The following HMCN1 variants were observed in gnomAD, a reference collection of about 807,000 sequenced individuals.
The protein encoded by HMCN1 is hemicentin 1, also known as hemicentin-1.
A neutral mutation model predicts 625.9 loss-of-function variants in HMCN1; 321 were observed. The ratio of observed to expected loss-of-function variants is 0.51; its 90% CI spans 0.47 to 0.56. The LOEUF (loss-of-function observed/expected upper bound fraction) is 0.56, where lower values mean the gene tolerates loss of function less well. Ranked by LOEUF, HMCN1 falls within the 20% of genes least tolerant of loss-of-function variation. The probability of loss-of-function intolerance (pLI) is 0.00; values close to 1 mark genes in which losing one functional copy is unlikely to be tolerated. For synonymous variants in HMCN1, 2,425 were observed against 2,417.6 expected (o/e 1.00, Z -0.09); for missense variants, 6,588 against 6,887.3 (o/e 0.96, Z 1.54).
rs750980749 is a variant in HMCN1, at chr1:186,119,232, A to G, written c.11890A>G (p.Arg3964Gly). 3 of 1,614,024 alleles carry G rather than the reference A, an allele frequency of 1.9e-6. No homozygotes were observed. Among genetic ancestry groups the G allele is most frequent in the Non-Finnish European group, 2.5e-6 (3 of 1,179,896 alleles). Residue 3964 changes from arginine (R) to glycine (G), a missense_variant, in exon 78 of 107, where the codon AGA becomes GGA. Physicochemically the swap from Arg to Gly is moderately radical, Grantham distance 125. Around this residue, in one of 3 missense-constraint regions of HMCN1, gnomAD observed 4,628 missense variants for 4,853.1 expected, o/e 0.95. Transcript: ENST00000271588. ...TGCCACCCAATTAAACCATGCTGGA[A>G]GATACACTTGTGTCGCTAGGAATGC... ...ILATQLNHAG[R>G]YTCVARNAAG...
At chr1:185,755,891 T>TA (rs901326834) in intron 1 of HMCN1, among the ~76,000 whole-genome samples, 1 of 152,174 alleles carries the variant, frequency 6.6e-6, no homozygotes, top group Non-Finnish European at 1.5e-5. Flanking sequence ...GGCTCTTTTT[T>TA]AAATCTTTCA....
chr1:185,759,677 C>T (rs1376912966), intron 1 of HMCN1, among the ~76,000 whole-genome samples: 1 of 152,002 alleles, frequency 6.6e-6, no homozygotes, highest in African/African-American at 2.4e-5. Context: ...TATCCTTTAT[C>T]TTACTACCTG....
intron 1 of HMCN1, among the ~76,000 whole-genome samples, chr1:185,787,141 A>ATGTG (rs375544191): frequency 0.08 from 11,311 of 141,224 alleles, 450 homozygotes; most frequent in African/African-American, 0.088. Flanking sequence ...GCCATGATGT[A>ATGTG]TGTGTGTGTG....
intron 36 of HMCN1, among the ~76,000 whole-genome samples, chr1:186,031,956 G>A (rs1034075424): frequency 1.3e-5 from 2 of 151,740 alleles, no homozygotes; most frequent in Non-Finnish European, 2.9e-5. Context: ...ATATCCACAG[G>A]GGATTGATTC....
At chr1:185,857,718 G>T (rs956960387) in intron 2 of HMCN1, among the ~76,000 whole-genome samples, 2 of 152,124 alleles carry the variant, frequency 1.3e-5, no homozygotes, top group Non-Finnish European at 2.9e-5. Flanking sequence ...TATGTTAAGT[G>T]TACCTCGAAT....
chr1:185,907,969 T>C (rs2102447863), intron 4 of HMCN1, among the ~76,000 whole-genome samples: 1 of 152,050 alleles, frequency 6.6e-6, no homozygotes, highest in East Asian at 1.9e-4. Context: ...AGCAAAACAC[T>C]TTGTTTTGGA....
intron 65 of HMCN1, 111 bp from the exon 66 acceptor site, chr1:186,093,375 T>C (rs1659951009): frequency 3.8e-6 from 6 of 1,581,204 alleles, no homozygotes; most frequent in Non-Finnish European, 5.2e-6. Context: ...GCCACCACTA[T>C]TTCCTTTTGG....
At chr1:186,121,086 A>G (rs1232907048) in intron 80 of HMCN1, among the ~76,000 whole-genome samples, 1 of 152,174 alleles carries the variant, frequency 6.6e-6, no homozygotes. Context: ...TGGAGTGTCC[A>G]AAGGAGAGAG....
intron 41 of HMCN1, 45 bp downstream of exon 41, chr1:186,045,908 T>C: frequency 6.9e-7 from 1 of 1,439,094 alleles, no homozygotes; most frequent in Non-Finnish European, 9.8e-7. Flanking sequence ...TATTAGAAGT[T>C]CATGGTTTTG....
At chr1:185,894,251 C>T (rs1665345805) in intron 4 of HMCN1, among the ~76,000 whole-genome samples, 1 of 152,120 alleles carries the variant, frequency 6.6e-6, no homozygotes. Flanking sequence ...TCATACAGTA[C>T]ACTTCAGTTG....
intron 15 of HMCN1, among the ~76,000 whole-genome samples, chr1:185,974,806 T>C (rs1000248662): frequency 2.6e-5 from 4 of 152,202 alleles, no homozygotes; most frequent in African/African-American, 9.6e-5. Flanking sequence ...ACCTTGTGCT[T>C]GTTTTGTGCA....
chr1:185,846,184 A>AACTATGTCTTT, intron 2 of HMCN1, 88 bp downstream of exon 2: 1 of 1,060,268 alleles, frequency 9.4e-7, no homozygotes, highest in Non-Finnish European at 1.4e-6. Flanking sequence ...TCTAAAAGAC[A>AACTATGTCTTT]TAGTTGTTGG....
At chr1:185,949,124 T>C (rs2102527380) in intron 11 of HMCN1, among the ~76,000 whole-genome samples, 1 of 151,894 alleles carries the variant, frequency 6.6e-6, no homozygotes, top group South Asian at 2.1e-4. Context: ...CCAGCAAAGA[T>C]TATTTATTTA....
At chr1:185,871,983 T>C (rs1433040871) in intron 4 of HMCN1, among the ~76,000 whole-genome samples, 3 of 152,236 alleles carry the variant, frequency 2.0e-5, no homozygotes, top group Non-Finnish European at 4.4e-5. Flanking sequence ...AACAAAACCT[T>C]ACTGCTGACC....
chr1:185,914,376 G>C (rs1326942331), intron 6 of HMCN1, among the ~76,000 whole-genome samples: 1 of 152,076 alleles, frequency 6.6e-6, no homozygotes, highest in East Asian at 1.9e-4. Context: ...TCTGGAAAAG[G>C]TCTGCTCTAT....
At position 185,929,279 on chromosome 1, in the gene HMCN1, T is replaced by A. The variant is rs188841170; in HGVS notation, c.1552+612T>A. On this transcript the variant is annotated intron_variant, in intron 10 of 106. Coordinates refer to ENST00000271588, the MANE Select transcript of HMCN1 (RefSeq NM_031935.3). ...ACCTCAGTGGCTACAATATTCGCACTAAGACGGGCAGAAGTAATGCTAATT... is the reference window on the plus strand; with the variant it reads ...ACCTCAGTGGCTACAATATTCGCACAAAGACGGGCAGAAGTAATGCTAATT... Among the ~76,000 whole-genome samples, 5 of 152,284 alleles carry A rather than the reference T, an allele frequency of 3.3e-5. No individual in the cohort carries two copies. In the East Asian group the frequency reaches 9.6e-4, roughly 29 times the overall value.
At chr1:185,753,760 A>C (rs1654961101) in intron 1 of HMCN1, among the ~76,000 whole-genome samples, 1 of 152,220 alleles carries the variant, frequency 6.6e-6, no homozygotes, top group Admixed American at 6.5e-5. Flanking sequence ...CTGCTGTCAA[A>C]AAGATGAAAG....
chr1:185,929,277 A>G (rs1667427738), intron 10 of HMCN1, among the ~76,000 whole-genome samples: 1 of 152,180 alleles, frequency 6.6e-6, no homozygotes, highest in Admixed American at 6.6e-5. Flanking sequence ...CAATATTCGC[A>G]CTAAGACGGG....
intron 1 of HMCN1, among the ~76,000 whole-genome samples, chr1:185,754,182 T>C (rs559989936): frequency 6.6e-6 from 1 of 152,284 alleles, no homozygotes; most frequent in African/African-American, 2.4e-5. Context: ...AAATATGACA[T>C]GTTTTAACTT....
Sources: gnomAD v4.1 joint callset for allele counts (sites outside exome capture counted in the v4.1 genomes callset) on GRCh38, gnomAD v4.1.1 for gene constraint, gnomAD v4.1.1 regional missense constraint, MANE v1.5 for transcripts, NCBI Gene and HGNC (gene_info 2026-07-23, HGNC 2026-07-21) for gene names.